The following CCDC149 variants were observed in gnomAD, a reference collection of about 807,000 sequenced individuals.
CCDC149 encodes coiled-coil domain-containing protein 149.
A neutral mutation model predicts 59.9 loss-of-function variants in CCDC149; 45 were observed. The observed-to-expected ratio is 0.75, with a 90% CI of 0.59 to 0.96. The LOEUF is 0.96. Ranked by LOEUF, CCDC149 falls within the 40% of genes least tolerant of loss-of-function variation. CCDC149 has a pLI of 0.00. For synonymous variants in CCDC149, 245 were observed against 260.6 expected (o/e 0.94, Z 0.58); for missense variants, 584 against 664.7 (o/e 0.88, Z 1.33).
chr4:24,974,542 A>G (rs1014871285), intron 1 of CCDC149, among the ~76,000 whole-genome samples: 1 of 152,178 alleles, frequency 6.6e-6, no homozygotes, highest in Non-Finnish European at 1.5e-5. Flanking sequence ...AGGATTTCAT[A>G]ATGTAATTCC....
Position 24,806,140 on chromosome 4 carries a change from G to A in CCDC149, c.*2249C>T, listed in dbSNP as rs748020190. On this transcript the variant is annotated 3_prime_UTR_variant, in exon 13 of 13. Transcript: ENST00000635206. ...AGTAATTGCAGAAAGCCCCTTTAAT[G>A]TCTGTGGAACAGAAGAACCATGTTG... 1 of 152,168 alleles carries A rather than the reference G, an allele frequency of 6.6e-6. No homozygotes were observed. The highest frequency in any genetic ancestry group is 1.5e-5 in the Non-Finnish European group (1 of 68,046). The allele number at this position is 152,168 out of a possible 1,614,324, so 9.4% of individuals were successfully genotyped here.
intron 3 of CCDC149, among the ~76,000 whole-genome samples, chr4:24,854,085 T>C (rs1210613449): frequency 2.6e-5 from 4 of 152,150 alleles, no homozygotes; most frequent in African/African-American, 9.7e-5. Context: ...CATGGTCCCT[T>C]TCCCCAGAGC....
intron 1 of CCDC149, among the ~76,000 whole-genome samples, chr4:24,947,550 A>T (rs1723152841): frequency 6.6e-6 from 1 of 152,104 alleles, no homozygotes; most frequent in Non-Finnish European, 1.5e-5. Flanking sequence ...AACCTACAAA[A>T]AGTCACAGAT....
intron 1 of CCDC149, among the ~76,000 whole-genome samples, chr4:24,963,734 A>G (rs193277150): frequency 2.4e-4 from 36 of 152,372 alleles, no homozygotes; most frequent in Admixed American, 2.0e-3. Context: ...AGATACCAAT[A>G]CTGAAATGAA....
At chr4:24,946,247 A>G (rs560805473) in intron 1 of CCDC149, among the ~76,000 whole-genome samples, 24 of 152,228 alleles carry the variant, frequency 1.6e-4, no homozygotes, top group Admixed American at 1.4e-3. Flanking sequence ...CCTAGCCTGA[A>G]TCCTATCCAC....
rs36052894 is a variant in CCDC149 at position 24,839,000 on chromosome 4, ACTCTCT to A, written c.373-734_373-729del. ...CAGTATGACTAAAATTATACTAAGAACTCTCTCTCTCTCTCTCTCTCTCTCTCTCAC... is the reference window on the plus strand; with the variant it reads ...CAGTATGACTAAAATTATACTAAGAACTCTCTCTCTCTCTCTCTCTCTCAC... On this transcript the variant is annotated intron_variant, in intron 4 of 12. Coordinates refer to ENST00000635206, the MANE Select transcript of CCDC149 (RefSeq NM_001330643.2). Among the ~76,000 whole-genome samples the A allele has an allele frequency of 5.7e-3, 740 of 128,726 alleles. 1 individual carries two copies. Among genetic ancestry groups the A allele is most frequent in the African/African-American group, 0.014 (446 of 32,348 alleles). The allele number at this position is 128,726 out of a possible 152,430, so 84.4% of individuals were successfully genotyped here.
At chr4:24,814,635 G>T (rs895083552) in intron 12 of CCDC149, among the ~76,000 whole-genome samples, 1 of 152,192 alleles carries the variant, frequency 6.6e-6, no homozygotes, top group African/African-American at 2.4e-5. Flanking sequence ...GGTGATGTGG[G>T]TGCACACTTC....
chr4:24,850,120 T>C (rs1359049791), intron 4 of CCDC149, among the ~76,000 whole-genome samples: 1 of 152,258 alleles, frequency 6.6e-6, no homozygotes. Context: ...TCTGTTTATT[T>C]CTTGCATACT....
At chr4:24,903,115 C>T (rs1415401236) in intron 1 of CCDC149, among the ~76,000 whole-genome samples, 1 of 151,266 alleles carries the variant, frequency 6.6e-6, no homozygotes, top group Non-Finnish European at 1.5e-5. Flanking sequence ...AACCCTTACC[C>T]TAATTCTCCC....
chr4:24,934,752 C>G (rs57012107), intron 1 of CCDC149, among the ~76,000 whole-genome samples: 2,175 of 152,244 alleles, frequency 0.014, 50 homozygotes, highest in African/African-American at 0.049. Flanking sequence ...CAGAGGGAAC[C>G]ATGAGGACAA....
In CCDC149 at chr4:24,852,287, T is replaced by TACATAC. The variant is rs1553851404; in HGVS notation, c.372+784_372+785insGTATGT. 2.5e-5 allele frequency among the ~76,000 whole-genome samples: 3 copies of TACATAC among 121,282 alleles called. No homozygotes were observed. The Admixed American group carries it at 2.6e-4, about 10-fold the overall frequency. The allele number at this position is 121,282 out of a possible 152,430, so 79.6% of individuals were successfully genotyped here. On this transcript the variant is annotated intron_variant, in intron 4 of 12. Coordinates refer to ENST00000635206, the MANE Select transcript of CCDC149 (RefSeq NM_001330643.2). Reference sequence around the variant, plus strand: ...AGAACTGCTCCCCTCCAACACACCATACACACACACACACACACACACACA... The same window carrying TACATAC: ...AGAACTGCTCCCCTCCAACACACCATACATACACACACACACACACACACACACACA...
intron 12 of CCDC149, among the ~76,000 whole-genome samples, chr4:24,809,978 C>T (rs1273666173): frequency 6.6e-6 from 1 of 152,216 alleles, no homozygotes; most frequent in African/African-American, 2.4e-5. Flanking sequence ...GGATAAATTT[C>T]CTTTCGCTTA....
intron 1 of CCDC149, among the ~76,000 whole-genome samples, chr4:24,907,961 C>T (rs1721634032): frequency 6.6e-6 from 1 of 152,136 alleles, no homozygotes; most frequent in African/African-American, 2.4e-5. Flanking sequence ...TGCCTTCTTC[C>T]GTCTGTGTCT....
At chr4:24,960,223 C>T (rs764986065) in intron 1 of CCDC149, among the ~76,000 whole-genome samples, 2 of 152,100 alleles carry the variant, frequency 1.3e-5, no homozygotes, top group South Asian at 4.2e-4. Context: ...TACACTATAA[C>T]TCTAATATAA....
chr4:24,840,034 G>C (rs1716841388), intron 4 of CCDC149, among the ~76,000 whole-genome samples: 1 of 152,078 alleles, frequency 6.6e-6, no homozygotes, highest in Non-Finnish European at 1.5e-5. Context: ...AGGATTTATG[G>C]GCAGGTGAGA....
intron 1 of CCDC149, among the ~76,000 whole-genome samples, chr4:24,976,590 G>A (rs1724207596): frequency 6.6e-6 from 1 of 152,150 alleles, no homozygotes. Context: ...GTGCATGCCT[G>A]TAGTCCCAGC....
At chr4:24,951,099 G>A (rs1419239627) in intron 1 of CCDC149, among the ~76,000 whole-genome samples, 1 of 152,246 alleles carries the variant, frequency 6.6e-6, no homozygotes, top group East Asian at 1.9e-4. Context: ...GCTACCTGCA[G>A]TGGGTGATCA....
chr4:24,874,799 C>A (rs1719306276), intron 2 of CCDC149, among the ~76,000 whole-genome samples: 1 of 152,128 alleles, frequency 6.6e-6, no homozygotes, highest in South Asian at 2.1e-4. Context: ...AGTTAAATGT[C>A]AGTAATAGTG....
At chr4:24,847,957 A>G (rs556700368) in intron 4 of CCDC149, among the ~76,000 whole-genome samples, 1 of 152,328 alleles carries the variant, frequency 6.6e-6, no homozygotes, top group South Asian at 2.1e-4. Context: ...CTGGTTCAGG[A>G]GCACACCTCA....
Sources: allele counts gnomAD v4.1 joint callset (sites outside exome capture counted in the v4.1 genomes callset), GRCh38; gene constraint gnomAD v4.1.1; transcripts MANE v1.5; gene names NCBI Gene and HGNC (gene_info 2026-07-23, HGNC 2026-07-21).